Variants in HGFAC observed in about 807,000 individuals in gnomAD.
HGFAC encodes the protein HGF activator, also known as hepatocyte growth factor activator serine protease.
HGFAC carries 76 observed loss-of-function variants against 70.6 expected under a neutral mutation model. The observed-to-expected ratio is 1.08, with a 90% CI of 0.89 to 1.30. The LOEUF is 1.30. Among genes scored for constraint, HGFAC ranks in the 50% most tolerant of loss-of-function variants. The pLI is 0.00. For synonymous variants in HGFAC, 464 were observed against 405.3 expected (o/e 1.14, Z -1.74); for missense variants, 1,044 against 933.7 (o/e 1.12, Z -1.54).
In HGFAC at chr4:3,447,936, C is replaced by T. The variant is rs565681719; in HGVS notation, c.1537C>T (p.Arg513Cys). 4.7e-5 allele frequency: 75 copies of T among 1,607,962 alleles called. 1 individual carries two copies. Among genetic ancestry groups the T allele is most frequent in the Non-Finnish European group, 5.6e-5 (66 of 1,177,908 alleles). The change falls in exon 12 of 14, where the codon CGC (arginine) becomes TGC (cysteine). Residue 513 changes from arginine to cysteine, a missense_variant. Arg to Cys is a radical substitution (Grantham distance 180). Transcript: ENST00000382774. The part of the protein sequence containing the change: ...LKKKGDRCAT[R>C]SQFVQPICLP... ...GAAGAAAGGGGACCGCTGTGCCACA[C>T]GCTCGCAGTTCGTGCAGCCCATCTG...
rs747130759 is a variant in HGFAC at position 3,443,085 on chromosome 4, T to G, written c.334T>G (p.Phe112Val). 1.9e-6 allele frequency: 3 copies of G among 1,599,090 alleles called. No individual in the cohort carries two copies. In the Admixed American group the frequency reaches 5.0e-5, roughly 27 times the overall value. ...TEDGRPCRFP[F>V]RYGGRMLHAC... ...GGACGGGAGGCCCTGCAGGTTCCCC[T>G]TCCGCTACGGGGGCCGCATGCTGCA... is the stretch of plus-strand genomic sequence containing the variant. The change falls in exon 3 of 14, where the codon TTC becomes GTC. Residue 112 changes from phenylalanine to valine, a missense_variant. Transcript: ENST00000382774.
chr4:3,441,492 C>G (rs919847685), upstream of HGFAC, among the ~76,000 whole-genome samples: 1 of 152,194 alleles, frequency 6.6e-6, no homozygotes, highest in Non-Finnish European at 1.5e-5. This position sits in a 1 kb window ranked among gnomAD's most constrained non-coding sequence, Gnocchi z 6.0. Context: ...GCACCGAACC[C>G]TCCAGGAGCC....
In HGFAC at chr4:3,443,990, C is replaced by A. The variant is rs202156848; in HGVS notation, c.476-49C>A. ...GCAAGCAGAGAATGTCACAGAGGGA[C>A]CCTGAGCCTCCCAGTCCGCCCCTCA... On this transcript the variant is annotated intron_variant, in intron 4 of 13. Coordinates refer to ENST00000382774, the MANE Select transcript of HGFAC (RefSeq NM_001528.4). The A allele has an allele frequency of 1.2e-4, 186 of 1,527,674 alleles. 1 individual carries two copies. In the African/African-American group the frequency reaches 2.3e-3, roughly 19 times the overall value. The allele number at this position is 1,527,674 out of a possible 1,614,324, so 94.6% of individuals were successfully genotyped here. A position where few individuals can be genotyped will look rare whatever the true frequency, so the allele number is the denominator to read the frequency against.
In HGFAC at chr4:3,444,365, C is replaced by T. The variant is rs1250080229; in HGVS notation, c.653C>T (p.Ala218Val). 1 of 1,601,326 alleles carries T rather than the reference C, an allele frequency of 6.2e-7. No individual in the cohort carries two copies. Residue 218 changes from alanine to valine, a missense_variant, in exon 6 of 14, where the codon GCC becomes GTC. By Grantham distance (64) the Ala-to-Val change is moderately conservative. Coordinates refer to ENST00000382774, the MANE Select transcript of HGFAC (RefSeq NM_001528.4). ...YEYLEGGDRW[A>V]RVRQGHVEQC... is the part of the protein sequence containing the mutation. ...TACCTGGAGGGGGGCGACCGCTGGG[C>T]CCGCGTGCGCCAGGGCCACGTGGAA...
chr4:3,447,857 G>A lies in HGFAC; in HGVS notation c.1496-38G>A, dbSNP rs1219028563. The A allele has an allele frequency of 1.3e-5, 20 of 1,598,394 alleles. 1 individual carries two copies. The highest frequency in any genetic ancestry group is 1.7e-4 in the Middle Eastern group (1 of 5,918). On this transcript the variant is annotated intron_variant, in intron 11 of 13. Transcript: ENST00000382774. ...GCCCCGACAGCCTCCCGTTCAGCCC[G>A]CACACCACAGGCTGACCCTGGCCAC...
chr4:3,443,402 C>G lies in HGFAC; in HGVS notation c.457C>G (p.Pro153Ala). 1 of 1,482,476 alleles carries G rather than the reference C, an allele frequency of 6.7e-7. No individual in the cohort carries two copies. The highest frequency in any genetic ancestry group is 9.0e-7 in the Non-Finnish European group (1 of 1,114,822). 91.8% of individuals were successfully genotyped at this position (1,482,476 alleles called of 1,614,324 possible). A position where few individuals can be genotyped will look rare whatever the true frequency, so the allele number is the denominator to read the frequency against. Reference sequence around the variant, plus strand: ...CTGGGGCTACTGTGTGGAGGCCACCCCGCCTCCAGGGGGCCCAGGTGGGTG... The same window carrying G: ...CTGGGGCTACTGTGTGGAGGCCACCGCGCCTCCAGGGGGCCCAGGTGGGTG... ...RAWGYCVEAT[P>A]PPGGPAALDP... Residue 153 changes from proline (P) to alanine (A), a missense_variant, in exon 4 of 14, where the codon CCG (proline) becomes GCG (alanine). By Grantham distance (27) the Pro-to-Ala change is conservative. Transcript: ENST00000382774.
rs754884823 is a variant in HGFAC, at chr4:3,444,746, G to GGA, written c.841+13_841+14insGA. On this transcript the variant is annotated intron_variant, in intron 7 of 13. Transcript: ENST00000382774. ...CTCTGCAACATCGGTGAGTGGGTCA[G>GGA]CCCCCCGGGGTGCCCTGGGGCAGTG... The GGA allele has an allele frequency of 6.3e-7, 1 of 1,579,866 alleles. No individual in the cohort carries two copies. The highest frequency in any genetic ancestry group is 1.1e-5 in the South Asian group (1 of 87,772).
At position 3,446,074 on chromosome 4, in the gene HGFAC, C is replaced by T. The variant is rs1442846629; in HGVS notation, c.1135C>T (p.Leu379Phe). 6.2e-7 allele frequency: 1 copy of T among 1,609,446 alleles called. No homozygotes were observed. Among genetic ancestry groups the T allele is most frequent in the East Asian group, 2.2e-5 (1 of 44,782 alleles). Reference sequence around the variant, plus strand: ...CACCAGAGTCCAACTGTCACCGGATCTCCTGGCGACCCTGCCTGAGCCAGC... The same window carrying T: ...CACCAGAGTCCAACTGTCACCGGATTTCCTGGCGACCCTGCCTGAGCCAGC... ...SLTRVQLSPD[L>F]LATLPEPASP... The change falls in exon 10 of 14, where the codon CTC becomes TTC. Residue 379 changes from leucine to phenylalanine, a missense_variant. By Grantham distance (22) the Leu-to-Phe change is conservative (BLOSUM62 0). Coordinates refer to ENST00000382774, the MANE Select transcript of HGFAC (RefSeq NM_001528.4).
In HGFAC at chr4:3,449,263, C is replaced by T. The variant is rs994224938; in HGVS notation, c.1812C>T (p.Cys604=). 40 of 1,612,084 alleles carry T rather than the reference C, an allele frequency of 2.5e-5. No homozygotes were observed. Among genetic ancestry groups the T allele is most frequent in the African/African-American group, 4.0e-5 (3 of 74,874 alleles). The change falls in exon 14 of 14, where the codon TGC becomes TGT. Residue 604 remains cysteine, a synonymous_variant. Transcript: ENST00000382774. The part of the protein sequence containing the change: ...CQGDSGGPLA[C]EKNGVAYLYG... Reference sequence around the variant, plus strand: ...GGGACTCAGGGGGGCCCCTGGCCTGCGAGAAGAACGGCGTGGCTTACCTCT... The same window carrying T: ...GGGACTCAGGGGGGCCCCTGGCCTGTGAGAAGAACGGCGTGGCTTACCTCT...
chr4:3,448,643 TA>T (rs1211173482), intron 13 of HGFAC, among the ~76,000 whole-genome samples: 3 of 145,706 alleles, frequency 2.1e-5, no homozygotes, highest in South Asian at 2.1e-4. Flanking sequence ...CAACCTTCAA[TA>T]AGTTCTTCAA....
At chr4:3,442,159 G>C (rs747769041) in intron 1 of HGFAC, 41 bp downstream of exon 1, 1 of 1,469,596 alleles carries the variant, frequency 6.8e-7, no homozygotes, top group Non-Finnish European at 9.1e-7. Flanking sequence ...GAGGTTCCCA[G>C]TGGCTACTTG....
upstream of HGFAC, chr4:3,441,929 C>T (rs1002488439): frequency 4.7e-5 from 40 of 844,470 alleles, no homozygotes; most frequent in Middle Eastern, 3.6e-4. This position sits in a 1 kb window ranked among gnomAD's most constrained non-coding sequence, Gnocchi z 6.0. Flanking sequence ...ATCATTTCCA[C>T]GAAGCCTTGA....
At chr4:3,447,404 C>G (rs1725546149) in intron 10 of HGFAC, 88 bp from the exon 11 acceptor site, 8 of 1,489,776 alleles carry the variant, frequency 5.4e-6, no homozygotes, top group Middle Eastern at 1.8e-4. Context: ...CACCATTGGC[C>G]TCCGTGGGCC....
intron 12 of HGFAC, 31 bp downstream of exon 12, chr4:3,448,066 G>T (rs144703254): frequency 6.4e-7 from 1 of 1,556,182 alleles, no homozygotes; most frequent in African/African-American, 1.4e-5. Flanking sequence ...CCAGCGCCCC[G>T]CCAGGGTGGA....
At chr4:3,441,855 G>C (rs1474125381), upstream of HGFAC, 2 of 526,722 alleles carry the variant, frequency 3.8e-6, no homozygotes, top group African/African-American at 2.0e-5. This position sits in a 1 kb window ranked among gnomAD's most constrained non-coding sequence, Gnocchi z 6.0. Flanking sequence ...AGGTGTGGGG[G>C]CCAGGGGACT....
intron 10 of HGFAC, among the ~76,000 whole-genome samples, chr4:3,446,629 G>A (rs918165502): frequency 2.6e-5 from 4 of 152,254 alleles, no homozygotes; most frequent in African/African-American, 9.6e-5. Flanking sequence ...TCTCAGTAGG[G>A]AGCCAGGGAG....
upstream of HGFAC, among the ~76,000 whole-genome samples, chr4:3,441,139 C>T (rs1264207795): frequency 6.6e-6 from 1 of 152,144 alleles, no homozygotes; most frequent in African/African-American, 2.4e-5. This position sits in a 1 kb window ranked among gnomAD's most constrained non-coding sequence, Gnocchi z 6.0. Context: ...TGCCCACAGC[C>T]CCAAGTCACG....
chr4:3,443,567 A>AC (rs1447546179), intron 4 of HGFAC, 147 bp downstream of exon 4: 28 of 520,568 alleles, frequency 5.4e-5, no homozygotes, highest in Non-Finnish European at 8.2e-5. Flanking sequence ...GGTGGGTGCC[A>AC]CTTAGGGCCA....
chr4:3,448,593 C>T (rs536466962), intron 13 of HGFAC, among the ~76,000 whole-genome samples: 31 of 152,228 alleles, frequency 2.0e-4, no homozygotes, highest in Non-Finnish European at 3.8e-4. Context: ...CACTAGGCAC[C>T]AAAGGCCCCT....
Sources: allele counts gnomAD v4.1 joint callset (sites outside exome capture counted in the v4.1 genomes callset), GRCh38; gene constraint gnomAD v4.1.1; non-coding constraint Gnocchi (gnomAD v3.1); transcripts MANE v1.5; gene names NCBI Gene and HGNC (gene_info 2026-07-23, HGNC 2026-07-21).